The following SESN1 variants were observed in gnomAD, a reference collection of about 807,000 sequenced individuals.
The protein encoded by SESN1 is sestrin 1.
In SESN1, 30 loss-of-function variants were observed where a neutral mutation model predicts 59.3. The ratio of observed to expected loss-of-function variants is 0.51; its 90% confidence interval spans 0.38 to 0.69. The LOEUF is 0.69. SESN1 is among the 30% of genes least tolerant of loss of function. The pLI is 0.00. For synonymous variants in SESN1, 197 were observed against 219.9 expected, an observed-to-expected ratio of 0.90 and a Z score of 0.92; for missense variants, 566 against 673.0, an observed-to-expected ratio of 0.84 and a Z score of 1.76.
At chr6:109,058,169 T>C (rs1454895245) in intron 1 of SESN1, among the ~76,000 whole-genome samples, 4 of 152,094 alleles carry the variant, frequency 2.6e-5, no homozygotes, top group African/African-American at 9.7e-5. Flanking sequence ...ACCGCAGCCT[T>C]GACCTCCTGA....
At chr6:108,990,581 C>T in intron 8 of SESN1, 64 bp downstream of exon 8, 1 of 1,461,116 alleles carries the variant, frequency 6.8e-7, no homozygotes, top group South Asian at 1.2e-5. Context: ...ATGTGCGCTC[C>T]AAGCACTTGA....
chr6:108,994,541 A>G lies in SESN1; in HGVS notation c.1041T>C (p.Asp347=). 6.2e-7 allele frequency: 1 copy of G among 1,613,652 alleles called. No individual in the cohort carries two copies. Among genetic ancestry groups the G allele is most frequent in the Non-Finnish European group, 8.5e-7 (1 of 1,179,826 alleles). The part of the protein sequence containing the change: ...EKMRQLQECR[D]EEEASQEEMA... ...TCTCTTCCTGACTTGCCTCTTCTTC[A>G]TCTCGACATTCCTGTAACTGCCTCA... Residue 347 remains aspartate (D), a synonymous_variant, in exon 6 of 10, where the codon GAT becomes GAC. Transcript: ENST00000436639.
In SESN1 at chr6:108,992,879, C is replaced by T. The variant is rs1394690343; in HGVS notation, c.1141G>A (p.Ala381Thr). Residue 381 changes from alanine to threonine, a missense_variant, in exon 7 of 10, where the codon GCA becomes ACA. Physicochemically the swap from Ala to Thr is moderately conservative, Grantham distance 58. Transcript: ENST00000436639. ...FSSDDEEVTP[A>T]RAVSRHFEDT... ...TCAAAATGACGAGATACAGCTCTTG[C>T]TGGTGTAACTTCTTCATCATCTGGG... 3 of 1,611,150 alleles carry T rather than the reference C, an allele frequency of 1.9e-6. No homozygotes were observed. The African/African-American group carries it at 4.0e-5, about 22-fold the overall frequency.
intron 1 of SESN1, among the ~76,000 whole-genome samples, chr6:109,078,259 G>A (rs959518386): frequency 1.7e-4 from 26 of 152,240 alleles, no homozygotes; most frequent in African/African-American, 5.5e-4. Flanking sequence ...GTGTGCATCT[G>A]TAGTCCCAGC....
At chr6:109,045,162 T>C (rs1225974307) in intron 1 of SESN1, among the ~76,000 whole-genome samples, 2 of 152,202 alleles carry the variant, frequency 1.3e-5, no homozygotes, top group East Asian at 1.9e-4. Flanking sequence ...TGTGCCTAGC[T>C]AGGCTCCTCT....
At chr6:109,007,106 A>T (rs991811863) in intron 1 of SESN1, among the ~76,000 whole-genome samples, 3 of 152,232 alleles carry the variant, frequency 2.0e-5, no homozygotes, top group African/African-American at 7.2e-5. Flanking sequence ...TCTTTGAAAG[A>T]GACAACAAGT....
rs142642433 is a variant in SESN1, at chr6:109,025,307, C to T, written c.280-22964G>A. Among the ~76,000 whole-genome samples the T allele has an allele frequency of 1.9e-3, 293 of 151,942 alleles. 1 individual carries two copies. Among genetic ancestry groups the T allele is most frequent in the Non-Finnish European group, 3.0e-3 (204 of 67,948 alleles). On this transcript the variant is annotated intron_variant, in intron 1 of 9. Coordinates refer to ENST00000436639, the MANE Select transcript of SESN1 (RefSeq NM_014454.3). ...GGGGGATGAATTCCCTTATTACCTA[C>T]CTGCTCTTAAAAGCAAGGTAAATAT...
At chr6:109,030,383 T>C (rs939777467) in intron 1 of SESN1, among the ~76,000 whole-genome samples, 4 of 152,154 alleles carry the variant, frequency 2.6e-5, no homozygotes, top group African/African-American at 2.4e-5. Flanking sequence ...AAGGTGTAGA[T>C]TGCTAGTAGT....
At chr6:109,000,359 G>A in intron 4 of SESN1, 132 bp downstream of exon 4, 1 of 564,624 alleles carries the variant, frequency 1.8e-6, no homozygotes, top group Non-Finnish European at 2.9e-6. Context: ...AAGAAAATGT[G>A]CATCTGTGGG....
At chr6:109,048,312 T>C (rs1780484962) in intron 1 of SESN1, among the ~76,000 whole-genome samples, 2 of 152,262 alleles carry the variant, frequency 1.3e-5, no homozygotes, top group Admixed American at 1.3e-4. Context: ...GGAGCCACCT[T>C]CCTGAGACAT....
rs151034775 is a variant in SESN1 at position 109,057,037 on chromosome 6, T to C, written c.279+36758A>G. Among the ~76,000 whole-genome samples the C allele has an allele frequency of 9.7e-4, 148 of 152,278 alleles. No individual in the cohort carries two copies. The South Asian group carries it at 0.015, about 15-fold the overall frequency. ...GCCTTGAACCCTGTAGAGAGATCCC[T>C]ATGGTAAGGAACTGAATTCTCCTGC... On this transcript the variant is annotated intron_variant, in intron 1 of 9. Transcript: ENST00000436639.
At chr6:109,042,301 A>G (rs1034527334) in intron 1 of SESN1, among the ~76,000 whole-genome samples, 1 of 152,004 alleles carries the variant, frequency 6.6e-6, no homozygotes, top group Non-Finnish European at 1.5e-5. Flanking sequence ...AGCCTAGGGA[A>G]AGAAGAGCAG....
intron 1 of SESN1, among the ~76,000 whole-genome samples, chr6:109,068,167 C>T (rs1435487832): frequency 6.6e-6 from 1 of 152,190 alleles, no homozygotes; most frequent in Non-Finnish European, 1.5e-5. Flanking sequence ...CTTGGTTTCT[C>T]TTAACCCTGC....
intron 1 of SESN1, among the ~76,000 whole-genome samples, chr6:109,004,104 G>A (rs1779681224): frequency 6.6e-6 from 1 of 152,012 alleles, no homozygotes; most frequent in Non-Finnish European, 1.5e-5. Context: ...AAAAAGTGAA[G>A]CTGGAACACT....
chr6:108,993,822 C>T (rs1465249381), intron 6 of SESN1, among the ~76,000 whole-genome samples: 1 of 151,960 alleles, frequency 6.6e-6, no homozygotes, highest in Non-Finnish European at 1.5e-5. Flanking sequence ...CAAGGTGATC[C>T]TTCCACCTCA....
At chr6:108,992,657 A>G in intron 7 of SESN1, 130 bp downstream of exon 7, 1 of 678,302 alleles carries the variant, frequency 1.5e-6, no homozygotes, top group Non-Finnish European at 2.6e-6. Flanking sequence ...TTCACCTTTT[A>G]TTCTGAAACA....
At chr6:109,044,155 T>TA (rs560942228) in intron 1 of SESN1, among the ~76,000 whole-genome samples, 6 of 144,788 alleles carry the variant, frequency 4.1e-5, no homozygotes, top group African/African-American at 5.1e-5. Context: ...CTACTACAAA[T>TA]AAAAAAAAAA....
At chr6:108,989,365 G>T (rs188882192) in intron 8 of SESN1, among the ~76,000 whole-genome samples, 1 of 152,008 alleles carries the variant, frequency 6.6e-6, no homozygotes, top group African/African-American at 2.4e-5. Context: ...AATTACATTT[G>T]TTATTGGTAC....
rs1460123124 is a variant in SESN1 at position 108,985,999 on chromosome 6, A to T, written c.*1545T>A. Among the ~76,000 whole-genome samples, 1 of 152,072 alleles carries T rather than the reference A, an allele frequency of 6.6e-6. No individual in the cohort carries two copies. Among genetic ancestry groups the T allele is most frequent in the Non-Finnish European group, 1.5e-5 (1 of 67,990 alleles). On this transcript the variant is annotated 3_prime_UTR_variant, in exon 10 of 10. Transcript: ENST00000436639. ...TCAAAATTGATCCTTCCCAACCCCT[A>T]CTTCCACACTACCCCATACATTTGT... is the stretch of plus-strand genomic sequence containing the variant.
Sources: gnomAD v4.1 joint callset for allele counts (sites outside exome capture counted in the v4.1 genomes callset) on GRCh38, gnomAD v4.1.1 for gene constraint, MANE v1.5 for transcripts, NCBI Gene and HGNC (gene_info 2026-07-23, HGNC 2026-07-21) for gene names.